Variants in IQSEC1 observed in about 807,000 individuals in gnomAD.
The protein encoded by IQSEC1 is IQ motif and Sec7 domain ArfGEF 1, also known as IQ motif and SEC7 domain-containing protein 1.
IQSEC1 carries 31 observed loss-of-function variants against 91.0 expected under a neutral mutation model. That is an observed-to-expected ratio of 0.34 (90% CI 0.26 to 0.46). The LOEUF (loss-of-function observed/expected upper bound fraction) is 0.46. Among genes scored for constraint, IQSEC1 ranks in the 20% least tolerant of loss-of-function variants. The pLI, the probability that IQSEC1 is intolerant of heterozygous loss-of-function variation, is 1.00. For synonymous variants in IQSEC1, 699 were observed against 662.6 expected (o/e 1.05, Z -0.84); for missense variants, 1,388 against 1,575.6 (o/e 0.88, Z 2.02).
intron 1 of IQSEC1, among the ~76,000 whole-genome samples, chr3:13,031,629 A>G (rs1703846028): frequency 6.6e-6 from 1 of 152,220 alleles, no homozygotes; most frequent in Non-Finnish European, 1.5e-5. Flanking sequence ...CACAGGGGGC[A>G]GAGGGGCAGG....
At chr3:13,028,034 C>G (rs1321223208) in intron 1 of IQSEC1, among the ~76,000 whole-genome samples, 1 of 152,200 alleles carries the variant, frequency 6.6e-6, no homozygotes, top group Non-Finnish European at 1.5e-5. Flanking sequence ...GCTGCCTCCT[C>G]CCCCAGGAAG....
intron 2 of IQSEC1, among the ~76,000 whole-genome samples, chr3:13,090,506 T>C (rs548005462): frequency 8.5e-5 from 13 of 152,244 alleles, no homozygotes; most frequent in Admixed American, 6.5e-4. Flanking sequence ...GTGTTGCACC[T>C]CTCTGTGTCC....
chr3:13,005,005 A>G (rs1416126674), intron 1 of IQSEC1, among the ~76,000 whole-genome samples: 1 of 152,200 alleles, frequency 6.6e-6, no homozygotes, highest in Non-Finnish European at 1.5e-5. Context: ...CCAAACAAAT[A>G]CTATGTTTCA....
chr3:12,936,936 C>CTT (rs1163135062), intron 2 of IQSEC1, among the ~76,000 whole-genome samples: 2 of 144,254 alleles, frequency 1.4e-5, no homozygotes. Flanking sequence ...TCTCAGACCT[C>CTT]TTTTTTTTTT....
rs1017210216 is a variant in IQSEC1 at position 12,900,526 on chromosome 3, G to T, written c.*457C>A. On this transcript the variant is annotated 3_prime_UTR_variant, in exon 14 of 14. Transcript: ENST00000613206. ...TACGTATTTTCATCAACCATATCAG[G>T]TCTACTTATTTTTTTGCCCATTGTC... 1.3e-5 allele frequency: 12 copies of T among 941,530 alleles called. No individual in the cohort carries two copies. Among genetic ancestry groups the T allele is most frequent in the Non-Finnish European group, 1.5e-5 (12 of 790,100 alleles). The allele number at this position is 941,530 out of a possible 1,614,324, so 58.3% of individuals were successfully genotyped here. A position where few individuals can be genotyped will look rare whatever the true frequency, so the allele number is the denominator to read the frequency against.
At chr3:13,026,834 C>T (rs1703630957) in intron 1 of IQSEC1, among the ~76,000 whole-genome samples, 1 of 149,614 alleles carries the variant, frequency 6.7e-6, no homozygotes, top group African/African-American at 2.5e-5. Context: ...TGCACAATCA[C>T]CCTATGAAGT....
At chr3:13,203,796 A>G (rs1197928633) in intron 1 of IQSEC1, among the ~76,000 whole-genome samples, 3 of 152,358 alleles carry the variant, frequency 2.0e-5, no homozygotes, top group Non-Finnish European at 4.4e-5. Context: ...CCCATGTCCA[A>G]GAATTCATCC....
chr3:13,111,505 G>A (rs888684011), intron 2 of IQSEC1, among the ~76,000 whole-genome samples: 6 of 152,200 alleles, frequency 3.9e-5, no homozygotes, highest in Non-Finnish European at 7.3e-5. Context: ...TTCCCACTGC[G>A]GGTAAGCACC....
chr3:12,899,344 C>G lies in IQSEC1; in HGVS notation c.*1639G>C. ...GTGAGCTTCGCCCTTTCTGAAAGGG[C>G]CTCCGCCTGGGCAGGCGCCGGGGGG... On this transcript the variant is annotated 3_prime_UTR_variant, in exon 14 of 14. Transcript: ENST00000613206. 9 of 1,604,688 alleles carry G rather than the reference C, an allele frequency of 5.6e-6. No individual in the cohort carries two copies. The highest frequency in any genetic ancestry group is 6.0e-6 in the Non-Finnish European group (7 of 1,174,596).
intron 1 of IQSEC1, among the ~76,000 whole-genome samples, chr3:12,947,017 T>A (rs180746286): frequency 6.6e-6 from 1 of 152,336 alleles, no homozygotes; most frequent in East Asian, 1.9e-4. Flanking sequence ...CCAGCTAGCA[T>A]GTGAGATGGA....
intron 2 of IQSEC1, among the ~76,000 whole-genome samples, chr3:13,152,792 C>T (rs1345546101): frequency 6.6e-6 from 1 of 152,198 alleles, no homozygotes; most frequent in East Asian, 1.9e-4. Flanking sequence ...ATCGCTTGAA[C>T]CTGGGAGGCA....
At chr3:13,262,278 C>A (rs1309859672) in intron 1 of IQSEC1, among the ~76,000 whole-genome samples, 1 of 152,142 alleles carries the variant, frequency 6.6e-6, no homozygotes, top group Non-Finnish European at 1.5e-5. Flanking sequence ...GAAGACCTTG[C>A]CTCAAAAATA....
chr3:12,906,182 C>T (rs1439484375), intron 12 of IQSEC1, among the ~76,000 whole-genome samples: 1 of 152,208 alleles, frequency 6.6e-6, no homozygotes, highest in Non-Finnish European at 1.5e-5. Context: ...CAGCTGCTCT[C>T]AGGGTCTCCT....
rs1695135293 is a variant in IQSEC1, at chr3:13,247,947, G to A, written c.272+34764C>T. On this transcript the variant is annotated intron_variant, in intron 1 of 15. Transcript: ENST00000648114. ...CAGTGGGCTCTTTGTCCAGGACCGT[G>A]GGCCACTGTTCACAGTCCTCTCCTG... 2.0e-5 allele frequency among the ~76,000 whole-genome samples: 3 copies of A among 152,308 alleles called. No individual in the cohort carries two copies. The South Asian group carries it at 6.2e-4, about 32-fold the overall frequency.
intron 1 of IQSEC1, among the ~76,000 whole-genome samples, chr3:13,035,361 A>C (rs1285788141): frequency 3.3e-5 from 5 of 152,188 alleles, no homozygotes; most frequent in African/African-American, 1.2e-4. Flanking sequence ...TCTTCTGCCA[A>C]GGACACTGTC....
At chr3:13,278,408 G>A (rs1042380575) in intron 1 of IQSEC1, among the ~76,000 whole-genome samples, 2 of 152,212 alleles carry the variant, frequency 1.3e-5, no homozygotes, top group Non-Finnish European at 2.9e-5. Context: ...GATTGCACAC[G>A]GCAGGGTGGA....
At chr3:13,247,861 T>C (rs987460869) in intron 1 of IQSEC1, among the ~76,000 whole-genome samples, 1 of 152,112 alleles carries the variant, frequency 6.6e-6, no homozygotes, top group Non-Finnish European at 1.5e-5. Context: ...AGACACGCTG[T>C]GGGAACCCTG....
At chr3:12,951,655 C>G (rs1699556589) in intron 1 of IQSEC1, among the ~76,000 whole-genome samples, 1 of 152,082 alleles carries the variant, frequency 6.6e-6, no homozygotes, top group Non-Finnish European at 1.5e-5. Context: ...TGGCTGTTGA[C>G]CAAAAAGACT....
intron 2 of IQSEC1, among the ~76,000 whole-genome samples, chr3:13,116,021 A>G (rs1373302232): frequency 2.0e-5 from 3 of 152,196 alleles, no homozygotes; most frequent in African/African-American, 7.2e-5. Flanking sequence ...CCTTCAGCCA[A>G]ATCAGCAGGA....
Sources: allele counts gnomAD v4.1 joint callset (sites outside exome capture counted in the v4.1 genomes callset), GRCh38; gene constraint gnomAD v4.1.1; transcripts MANE v1.5; gene names NCBI Gene and HGNC (gene_info 2026-07-23, HGNC 2026-07-21).